The following MAFK variants were observed in gnomAD, a reference collection of about 807,000 sequenced individuals.
MAFK encodes the protein transcription factor MafK.
In MAFK, 1 loss-of-function variant was observed where a neutral mutation model predicts 9.2. The observed-to-expected ratio is 0.11, with a 90% CI of 0.04 to 0.52. MAFK has a LOEUF of 0.52. MAFK is among the 20% of genes least tolerant of loss of function. The probability of loss-of-function intolerance (pLI) is 0.94; values close to 1 mark genes in which losing one functional copy is unlikely to be tolerated. For synonymous variants in MAFK, 110 were observed against 107.4 expected (o/e 1.02, Z -0.15); for missense variants, 207 against 236.0 (o/e 0.88, Z 0.81).
At chr7:1,538,937 C>T in intron 1 of MAFK, 1 of 515,268 alleles carries the variant, frequency 1.9e-6, no homozygotes. Flanking sequence ...TTCCCTGAAC[C>T]CTCAGGCAGG....
intron 1 of MAFK, among the ~76,000 whole-genome samples, chr7:1,536,321 C>G (rs1171412416): frequency 2.0e-5 from 3 of 152,158 alleles, no homozygotes; most frequent in African/African-American, 7.2e-5. Context: ...TTGTTAGCTG[C>G]TGGGCGTAAG....
chr7:1,531,767 G>C (rs887319375), intron 1 of MAFK, among the ~76,000 whole-genome samples: 1 of 152,012 alleles, frequency 6.6e-6, no homozygotes, highest in Admixed American at 6.5e-5. Flanking sequence ...CCAGGACCCC[G>C]CCTGGCCTTG....
At chr7:1,539,084 G>A in intron 1 of MAFK, 65 bp from the exon 2 acceptor site, 1 of 1,273,986 alleles carries the variant, frequency 7.8e-7, no homozygotes, top group Admixed American at 1.8e-5. Context: ...ATGGGAGGTG[G>A]GCACCCTGTC....
intron 1 of MAFK, among the ~76,000 whole-genome samples, chr7:1,536,228 C>T (rs1229372097): frequency 6.6e-6 from 1 of 152,236 alleles, no homozygotes; most frequent in African/African-American, 2.4e-5. Context: ...CGCTGTGGCG[C>T]TGAACACTGC....
chr7:1,540,907 CT>C lies in MAFK; in HGVS notation c.*534del, dbSNP rs10714927. ...TGGATGGTGTGTCGGCAGCTCCGTC[CT>C]TCCAGCTGTCCCGTTGCAGTGCCCG... On this transcript the variant is annotated 3_prime_UTR_variant, in exon 3 of 3. Coordinates refer to ENST00000343242, the MANE Select transcript of MAFK (RefSeq NM_002360.4). 2,659 of 158,294 alleles carry C rather than the reference CT, an allele frequency of 0.017. 77 individuals carry two copies. The highest frequency in any genetic ancestry group is 0.059 in the African/African-American group (2,477 of 41,640). 9.8% of individuals were successfully genotyped at this position (158,294 alleles called of 1,614,324 possible). A position where few individuals can be genotyped will look rare whatever the true frequency, so the allele number is the denominator to read the frequency against.
At position 1,541,723 on chromosome 7, in the gene MAFK, C is replaced by A. The variant is rs560617133; in HGVS notation, c.*1348C>A. 6.6e-6 allele frequency: 1 copy of A among 152,332 alleles called. No homozygotes were observed. The highest frequency in any genetic ancestry group is 2.1e-4 in the South Asian group (1 of 4,826). The allele number at this position is 152,332 out of a possible 1,614,324, so 9.4% of individuals were successfully genotyped here. A position where few individuals can be genotyped will look rare whatever the true frequency, so the allele number is the denominator to read the frequency against. On this transcript the variant is annotated 3_prime_UTR_variant, in exon 3 of 3. Transcript: ENST00000343242. The stretch of plus-strand genomic sequence containing the variant: ...TCCTCACCCGGAGCCTTTGCCTGCT[C>A]CTCCTTCCAAGAGCACTGAGGCACC...
intron 1 of MAFK, chr7:1,538,856 G>C (rs1784103807): frequency 3.2e-6 from 1 of 313,504 alleles, no homozygotes; most frequent in Non-Finnish European, 5.9e-6. Context: ...GCCGCACCTG[G>C]CTGCCAGGCC....
At chr7:1,531,328 G>A (rs1471555888) in intron 1 of MAFK, among the ~76,000 whole-genome samples, 1 of 151,866 alleles carries the variant, frequency 6.6e-6, no homozygotes, top group African/African-American at 2.4e-5. Flanking sequence ...ATTCTCCGCG[G>A]CTTCCGCCCC....
intron 2 of MAFK, 70 bp downstream of exon 2, chr7:1,539,298 T>G (rs1317722557): frequency 7.4e-7 from 1 of 1,352,700 alleles, no homozygotes; most frequent in Non-Finnish European, 1.0e-6. Flanking sequence ...CGACAGCCCC[T>G]GCTATCCCAG....
At chr7:1,539,030 C>A in intron 1 of MAFK, 119 bp from the exon 2 acceptor site, 1 of 772,476 alleles carries the variant, frequency 1.3e-6, no homozygotes, top group Non-Finnish European at 2.2e-6. Context: ...GTCTTGTTTT[C>A]ATGGTGCTGT....
chr7:1,540,716 G>C lies in MAFK; in HGVS notation c.*341G>C. The C allele has an allele frequency of 3.4e-6, 1 of 290,878 alleles. No individual in the cohort carries two copies. Among genetic ancestry groups the C allele is most frequent in the Non-Finnish European group, 6.5e-6 (1 of 154,888 alleles). 18.0% of individuals were successfully genotyped at this position (290,878 alleles called of 1,614,324 possible). On this transcript the variant is annotated 3_prime_UTR_variant, in exon 3 of 3. Transcript: ENST00000343242. ...TTCCGCGTCCTCTGTGGGGGCTGCC[G>C]GAAGACACGGCCCCAGGAGTCAGGC... is the stretch of plus-strand genomic sequence containing the variant.
chr7:1,533,232 C>T (rs895932834), intron 1 of MAFK, among the ~76,000 whole-genome samples: 6 of 152,172 alleles, frequency 3.9e-5, no homozygotes, highest in African/African-American at 1.2e-4. Context: ...CACTGTGCGT[C>T]GGGTGTCCTG....
chr7:1,538,853 C>T (rs4725197), intron 1 of MAFK: 16,546 of 313,256 alleles, frequency 0.053, 725 homozygotes, highest in Admixed American at 0.13. Flanking sequence ...GGGGCCGCAC[C>T]TGGCTGCCAG....
chr7:1,539,679 A>T (rs1784128913), intron 2 of MAFK, among the ~76,000 whole-genome samples: 1 of 152,314 alleles, frequency 6.6e-6, no homozygotes, highest in South Asian at 2.1e-4. Flanking sequence ...CTGGGTCCTC[A>T]TGGGCTCTGA....
rs541110586 is a variant in MAFK, at chr7:1,539,484, C to T, written c.36+256C>T. Among the ~76,000 whole-genome samples the T allele has an allele frequency of 1.7e-3, 255 of 152,136 alleles. 4 individuals are homozygous for T. Among genetic ancestry groups the T allele is most frequent in the Admixed American group, 3.9e-3 (60 of 15,298 alleles). ...TGCCTTCCCGCCTGGGCTGTGTGTC[C>T]GCCGGGCGCTACTGCATGAGCTCAT... On this transcript the variant is annotated intron_variant, in intron 2 of 2. Coordinates refer to ENST00000343242, the MANE Select transcript of MAFK (RefSeq NM_002360.4).
Position 1,532,670 on chromosome 7 carries a change from G to T in MAFK, c.-45+1772G>T, listed in dbSNP as rs965246450. ...GCTGTTAAGGGAGACCGTCTTCCGG[G>T]CCACTTCGCTGTCTACAAGGCGTGT... is the stretch of plus-strand genomic sequence containing the variant. On this transcript the variant is annotated intron_variant, in intron 1 of 2. Coordinates refer to ENST00000343242, the MANE Select transcript of MAFK (RefSeq NM_002360.4). The surrounding 1 kb of genome is among the most constrained non-coding windows in gnomAD (Gnocchi z 4.5). Among the ~76,000 whole-genome samples, 1 of 152,198 alleles carries T rather than the reference G, an allele frequency of 6.6e-6. No homozygotes were observed. The highest frequency in any genetic ancestry group is 2.4e-5 in the African/African-American group (1 of 41,438).
intron 1 of MAFK, among the ~76,000 whole-genome samples, chr7:1,536,534 C>G (rs1784034221): frequency 6.6e-6 from 1 of 152,162 alleles, no homozygotes. Flanking sequence ...TACATGTGCT[C>G]TGGCGGCCCT....
At chr7:1,536,826 T>A (rs1583199641) in intron 1 of MAFK, among the ~76,000 whole-genome samples, 1 of 152,206 alleles carries the variant, frequency 6.6e-6, no homozygotes, top group Non-Finnish European at 1.5e-5. Context: ...GCCGTCCCGC[T>A]GCGTCGTCTC....
At chr7:1,533,677 C>T (rs568530866) in intron 1 of MAFK, among the ~76,000 whole-genome samples, 11 of 151,842 alleles carry the variant, frequency 7.2e-5, no homozygotes, top group African/African-American at 2.7e-4. Context: ...GGAGCCTGGG[C>T]AGGTGCTGTG....
Sources: allele counts gnomAD v4.1 joint callset (sites outside exome capture counted in the v4.1 genomes callset), GRCh38; gene constraint gnomAD v4.1.1; non-coding constraint Gnocchi (gnomAD v3.1); transcripts MANE v1.5; gene names NCBI Gene and HGNC (gene_info 2026-07-23, HGNC 2026-07-21).